Variants in ZMAT4 observed in about 807,000 individuals in gnomAD.
ZMAT4 encodes the protein zinc finger matrin-type protein 4.
A neutral mutation model predicts 28.7 loss-of-function variants in ZMAT4; 17 were observed. That is an observed-to-expected ratio of 0.59 (90% CI 0.41 to 0.89). ZMAT4 has a LOEUF of 0.89. ZMAT4 is among the 40% of genes least tolerant of loss of function. The pLI, the probability that ZMAT4 is intolerant of heterozygous loss-of-function variation, is 0.00. For synonymous variants in ZMAT4, 117 were observed against 109.2 expected, an observed-to-expected ratio of 1.07 and a Z score of -0.44; for missense variants, 240 against 283.8, an observed-to-expected ratio of 0.85 and a Z score of 1.11.
At chr8:40,816,308 T>C (rs1178852398) in intron 2 of ZMAT4, among the ~76,000 whole-genome samples, 1 of 152,202 alleles carries the variant, frequency 6.6e-6, no homozygotes, top group Admixed American at 6.5e-5. Context: ...GTCAGAAGCC[T>C]CTGCCAGCCC....
chr8:40,852,193 A>T (rs1344809950), intron 1 of ZMAT4, among the ~76,000 whole-genome samples: 1 of 151,958 alleles, frequency 6.6e-6, no homozygotes, highest in Non-Finnish European at 1.5e-5. Flanking sequence ...TCCTTTAACA[A>T]ATCTCTCCCT....
chr8:40,891,106 G>A (rs1818654587), intron 1 of ZMAT4, among the ~76,000 whole-genome samples: 1 of 149,902 alleles, frequency 6.7e-6, no homozygotes, highest in Admixed American at 6.7e-5. Context: ...GCTAAGGTGG[G>A]AGGATTGCTT....
intron 5 of ZMAT4, among the ~76,000 whole-genome samples, chr8:40,584,374 G>C (rs1467561466): frequency 6.6e-6 from 1 of 152,142 alleles, no homozygotes; most frequent in Non-Finnish European, 1.5e-5. Flanking sequence ...CCCGTGTTAA[G>C]TGGACAGCGC....
intron 3 of ZMAT4, among the ~76,000 whole-genome samples, chr8:40,721,799 G>C (rs1195869087): frequency 6.6e-6 from 1 of 151,836 alleles, no homozygotes; most frequent in South Asian, 2.1e-4. Context: ...GTCTGTTCAT[G>C]TCCTTCGCCC....
chr8:40,799,250 CAGAT>C (rs1292955335), intron 2 of ZMAT4, among the ~76,000 whole-genome samples: 81 of 149,722 alleles, frequency 5.4e-4, no homozygotes, highest in Non-Finnish European at 8.0e-4. Context: ...TGGATGGAGA[CAGAT>C]AGAGAGAGAG....
Position 40,639,115 on chromosome 8 carries a change from G to A in ZMAT4, c.577+35589C>T, listed in dbSNP as rs138123031. Among the ~76,000 whole-genome samples, 1,226 of 152,330 alleles carry A rather than the reference G, an allele frequency of 8.0e-3. 21 individuals carry two copies. The highest frequency in any genetic ancestry group is 0.027 in the African/African-American group (1,139 of 41,572). ...TTCTTGGGCTGACCTGGCAATGGGA[G>A]GGACATATGCTGCAGACAGGAGCCT... is the stretch of plus-strand genomic sequence containing the variant. On this transcript the variant is annotated intron_variant, in intron 5 of 6. Coordinates refer to ENST00000297737, the MANE Select transcript of ZMAT4 (RefSeq NM_024645.3).
At chr8:40,616,098 A>G (rs534082779) in intron 5 of ZMAT4, among the ~76,000 whole-genome samples, 1 of 152,352 alleles carries the variant, frequency 6.6e-6, no homozygotes, top group South Asian at 2.1e-4. Context: ...ACACTTTCCA[A>G]AAGAAGACAT....
At chr8:40,739,520 C>T (rs1482392313) in intron 3 of ZMAT4, among the ~76,000 whole-genome samples, 2 of 152,000 alleles carry the variant, frequency 1.3e-5, no homozygotes, top group Admixed American at 6.5e-5. Context: ...AAAGGTAATA[C>T]AGTGATCTAT....
chr8:40,755,375 A>C (rs1032377670), intron 3 of ZMAT4, among the ~76,000 whole-genome samples: 5 of 152,182 alleles, frequency 3.3e-5, no homozygotes, highest in African/African-American at 1.2e-4. Context: ...GCATGAAAGC[A>C]GCTGTGGATA....
In ZMAT4 at chr8:40,883,456, C is replaced by T. The variant is rs1458618241; in HGVS notation, c.-5+14227G>A. 2.6e-5 allele frequency among the ~76,000 whole-genome samples: 4 copies of T among 152,290 alleles called. No homozygotes were observed. In the East Asian group the frequency reaches 7.7e-4, roughly 29 times the overall value. On this transcript the variant is annotated intron_variant, in intron 1 of 6. Transcript: ENST00000297737. ...GAAGTCTCTTCCTCTCCTTGCCTCC[C>T]CTTCTCCCTCCTGGATGTCTGAGAG...
At chr8:40,605,824 G>A (rs1460528437) in intron 5 of ZMAT4, among the ~76,000 whole-genome samples, 1 of 152,066 alleles carries the variant, frequency 6.6e-6, no homozygotes, top group Non-Finnish European at 1.5e-5. Context: ...AGTAGTAATT[G>A]TTTTGTAGAT....
chr8:40,692,929 C>A (rs1809719204), intron 4 of ZMAT4, among the ~76,000 whole-genome samples: 1 of 152,130 alleles, frequency 6.6e-6, no homozygotes, highest in South Asian at 2.1e-4. Flanking sequence ...GGCCTATGAT[C>A]TTTGCCAGCT....
At chr8:40,699,762 A>C (rs1057049307) in intron 3 of ZMAT4, among the ~76,000 whole-genome samples, 6 of 152,242 alleles carry the variant, frequency 3.9e-5, no homozygotes, top group African/African-American at 1.4e-4. Flanking sequence ...CAAAGCGTGT[A>C]ATTTTTTAAA....
chr8:40,603,499 T>C (rs1261347606), intron 5 of ZMAT4, among the ~76,000 whole-genome samples: 1 of 152,234 alleles, frequency 6.6e-6, no homozygotes, highest in Non-Finnish European at 1.5e-5. Flanking sequence ...ACATTGAATT[T>C]GTAGATTGCT....
At position 40,717,603 on chromosome 8, in the gene ZMAT4, G is replaced by T. The variant is rs558543946; in HGVS notation, c.193-20202C>A. ...TTGAGCCCAGGAGTTCAAGGCTGCT[G>T]TGAGCTGTAATTATACCACTGCACT... On this transcript the variant is annotated intron_variant, in intron 3 of 6. Coordinates refer to ENST00000297737, the MANE Select transcript of ZMAT4 (RefSeq NM_024645.3). Among the ~76,000 whole-genome samples the T allele has an allele frequency of 5.3e-5, 8 of 152,294 alleles. No individual in the cohort carries two copies. In the East Asian group the frequency reaches 1.5e-3, roughly 29 times the overall value.
At chr8:40,541,593 C>A (rs1441474628) in intron 6 of ZMAT4, among the ~76,000 whole-genome samples, 1 of 152,138 alleles carries the variant, frequency 6.6e-6, no homozygotes, top group Non-Finnish European at 1.5e-5. Context: ...AAAGTAGATA[C>A]AAAACATGTC....
intron 3 of ZMAT4, among the ~76,000 whole-genome samples, chr8:40,762,716 T>C (rs55671832): frequency 6.6e-6 from 1 of 151,904 alleles, no homozygotes. Flanking sequence ...TGGTACAGTT[T>C]CAAATCCAGC....
chr8:40,750,676 C>T (rs1006339427), intron 3 of ZMAT4, among the ~76,000 whole-genome samples: 1 of 152,106 alleles, frequency 6.6e-6, no homozygotes, highest in Non-Finnish European at 1.5e-5. Flanking sequence ...GAAAGATATA[C>T]TGGAGAATCA....
intron 6 of ZMAT4, among the ~76,000 whole-genome samples, chr8:40,541,815 G>A (rs1803039560): frequency 6.6e-6 from 1 of 152,234 alleles, no homozygotes; most frequent in South Asian, 2.1e-4. Context: ...GTGCCTCGAA[G>A]TGCAGGGAGC....
Sources: allele counts gnomAD v4.1 joint callset (sites outside exome capture counted in the v4.1 genomes callset), GRCh38; gene constraint gnomAD v4.1.1; transcripts MANE v1.5; gene names NCBI Gene and HGNC (gene_info 2026-07-23, HGNC 2026-07-21).